PPP1R16B: variants seen among roughly 807,000 people sequenced by gnomAD.
PPP1R16B encodes the protein protein phosphatase 1 regulatory subunit 16B.
In PPP1R16B, 14 loss-of-function variants were observed where a neutral mutation model predicts 61.7. The observed-to-expected ratio is 0.23, with a 90% CI of 0.15 to 0.35. The LOEUF (loss-of-function observed/expected upper bound fraction) is 0.35, where lower values mean the gene tolerates loss of function less well. Ranked by LOEUF, PPP1R16B falls within the 10% of genes least tolerant of loss-of-function variation. The pLI is 1.00. For missense variants in PPP1R16B, 547 were observed against 752.5 expected, an observed-to-expected ratio of 0.73 and a Z score of 3.19; for synonymous variants, 266 against 305.3, an observed-to-expected ratio of 0.87 and a Z score of 1.34.
Position 38,907,335 on chromosome 20 carries a change from A to G in PPP1R16B, c.898+281A>G, listed in dbSNP as rs1052250231. Among the ~76,000 whole-genome samples, 1 of 151,958 alleles carries G rather than the reference A, an allele frequency of 6.6e-6. No homozygotes were observed. The highest frequency in any genetic ancestry group is 6.6e-5 in the Admixed American group (1 of 15,228). ...GGTGGATGGATGGATGGATGGATGG[A>G]TGGATGGATGGATAGACAGAAAAAT... is the stretch of plus-strand genomic sequence containing the variant. On this transcript the variant is annotated intron_variant, in intron 8 of 10. Coordinates refer to ENST00000299824, the MANE Select transcript of PPP1R16B (RefSeq NM_015568.4). The surrounding 1 kb of genome is among the most constrained non-coding windows in gnomAD (Gnocchi z 4.5).
In PPP1R16B at chr20:38,907,557, T is replaced by C. The variant is rs1007189080; in HGVS notation, c.899-249T>C. On this transcript the variant is annotated intron_variant, in intron 8 of 10. Transcript: ENST00000299824. The surrounding 1 kb of genome is among the most constrained non-coding windows in gnomAD (Gnocchi z 4.5). The stretch of plus-strand genomic sequence containing the variant: ...GGAAACTATCAAAGAGCAACATGAA[T>C]CCCTCGGTCATAGCTGGGAAGCTTA... Among the ~76,000 whole-genome samples, 1 of 152,144 alleles carries C rather than the reference T, an allele frequency of 6.6e-6. No individual in the cohort carries two copies. Among genetic ancestry groups the C allele is most frequent in the Non-Finnish European group, 1.5e-5 (1 of 68,016 alleles).
At chr20:38,873,791 T>G (rs953847405) in intron 2 of PPP1R16B, among the ~76,000 whole-genome samples, 3 of 148,006 alleles carry the variant, frequency 2.0e-5, no homozygotes, top group Non-Finnish European at 4.4e-5. Flanking sequence ...CAGGCTGGCG[T>G]GATCTCAGCT....
intron 2 of PPP1R16B, among the ~76,000 whole-genome samples, chr20:38,883,319 G>A (rs1323631670): frequency 1.3e-5 from 2 of 152,252 alleles, no homozygotes; most frequent in Non-Finnish European, 2.9e-5. Context: ...TGCTCTGTGA[G>A]ACGGAGTGGG....
intron 1 of PPP1R16B, among the ~76,000 whole-genome samples, chr20:38,834,090 AT>A (rs2084854181): frequency 6.6e-6 from 1 of 152,136 alleles, no homozygotes; most frequent in East Asian, 1.9e-4. Flanking sequence ...AACATGCTGC[AT>A]TTACATCTCC....
At chr20:38,848,866 C>T (rs965608675) in intron 2 of PPP1R16B, among the ~76,000 whole-genome samples, 1 of 152,138 alleles carries the variant, frequency 6.6e-6, no homozygotes, top group Non-Finnish European at 1.5e-5. Flanking sequence ...GGGTACTAGG[C>T]TTAATACCTG....
At chr20:38,853,051 C>G (rs749653543) in intron 2 of PPP1R16B, among the ~76,000 whole-genome samples, 3 of 152,094 alleles carry the variant, frequency 2.0e-5, no homozygotes, top group Non-Finnish European at 4.4e-5. Context: ...GAATTACAGG[C>G]ATGACCCATT....
chr20:38,883,618 C>A (rs1400359039), intron 2 of PPP1R16B, among the ~76,000 whole-genome samples: 3 of 152,192 alleles, frequency 2.0e-5, no homozygotes, highest in African/African-American at 4.8e-5. Context: ...GGGGCACCGA[C>A]TGTGGCCTTA....
chr20:38,874,034 A>T (rs532351682), intron 2 of PPP1R16B, among the ~76,000 whole-genome samples: 3 of 152,224 alleles, frequency 2.0e-5, no homozygotes, highest in Admixed American at 2.0e-4. Context: ...TGGCCAGCTG[A>T]AACATCTTTT....
chr20:38,916,175 G>T (rs1018577518), intron 10 of PPP1R16B, among the ~76,000 whole-genome samples: 11 of 151,434 alleles, frequency 7.3e-5, no homozygotes, highest in Non-Finnish European at 1.5e-4. Flanking sequence ...AGACCAGCCT[G>T]TGCAACATAG....
intron 4 of PPP1R16B, among the ~76,000 whole-genome samples, chr20:38,900,041 G>A (rs564856914): frequency 2.5e-4 from 38 of 152,216 alleles, no homozygotes; most frequent in African/African-American, 7.9e-4. Context: ...TGATCCGCCC[G>A]CCTCGCCCTC....
At chr20:38,888,876 A>AACAC (rs1181903301) in intron 2 of PPP1R16B, among the ~76,000 whole-genome samples, 3,907 of 112,216 alleles carry the variant, frequency 0.035, 87 homozygotes, top group East Asian at 0.054. Flanking sequence ...AGAATCCCTG[A>AACAC]ACACACACAC....
At chr20:38,879,645 C>T (rs576284362) in intron 2 of PPP1R16B, among the ~76,000 whole-genome samples, 35 of 152,300 alleles carry the variant, frequency 2.3e-4, no homozygotes, top group African/African-American at 7.2e-4. Flanking sequence ...AAGACAGACA[C>T]GAGTTGCCCG....
chr20:38,892,971 T>G (rs1295156123), intron 3 of PPP1R16B, among the ~76,000 whole-genome samples: 1 of 152,102 alleles, frequency 6.6e-6, no homozygotes, highest in Non-Finnish European at 1.5e-5. Context: ...CTGAGAGGGT[T>G]GAGAACAGGG....
intron 4 of PPP1R16B, 42 bp downstream of exon 4, chr20:38,895,752 C>T: frequency 6.4e-7 from 1 of 1,564,034 alleles, no homozygotes; most frequent in Non-Finnish European, 8.7e-7. Flanking sequence ...CCCTCCACCT[C>T]TTGTCTTTTT....
intron 2 of PPP1R16B, among the ~76,000 whole-genome samples, chr20:38,876,551 T>G (rs1020673899): frequency 7.2e-6 from 1 of 139,454 alleles, no homozygotes; most frequent in South Asian, 2.4e-4. Context: ...AAAAAAAAAA[T>G]AGAAGCCATT....
intron 2 of PPP1R16B, 83 bp downstream of exon 2, chr20:38,836,258 G>A (rs2084871707): frequency 2.0e-6 from 3 of 1,526,476 alleles, no homozygotes; most frequent in South Asian, 2.5e-5. Context: ...TGCAGTAGAC[G>A]TGTGGGCAAG....
intron 2 of PPP1R16B, among the ~76,000 whole-genome samples, chr20:38,851,448 G>A (rs146754826): frequency 0.018 from 2,745 of 151,674 alleles, 86 homozygotes; most frequent in African/African-American, 0.063. Flanking sequence ...CTGGGTGACA[G>A]AGTGAGACTC....
At chr20:38,903,904 C>G (rs1025602252) in intron 6 of PPP1R16B, among the ~76,000 whole-genome samples, 4 of 152,220 alleles carry the variant, frequency 2.6e-5, no homozygotes, top group Admixed American at 6.5e-5. Context: ...GCCTACCCCA[C>G]TGACTGGGGG....
chr20:38,899,937 T>G (rs979837396), intron 4 of PPP1R16B, among the ~76,000 whole-genome samples: 8 of 151,982 alleles, frequency 5.3e-5, no homozygotes, highest in Non-Finnish European at 1.2e-4. Flanking sequence ...GCTGGGATTA[T>G]AGGCTCCCAC....
Sources: gnomAD v4.1 joint callset for allele counts (sites outside exome capture counted in the v4.1 genomes callset) on GRCh38, gnomAD v4.1.1 for gene constraint, Gnocchi (gnomAD v3.1) non-coding constraint, MANE v1.5 for transcripts, NCBI Gene and HGNC (gene_info 2026-07-23, HGNC 2026-07-21) for gene names.